Variants in CCT3 observed in about 807,000 individuals in gnomAD.
The protein encoded by CCT3 is T-complex protein 1 subunit gamma.
In CCT3, 10 loss-of-function variants were observed where a neutral mutation model predicts 65.3. That is an observed-to-expected ratio of 0.15 (90% confidence interval 0.09 to 0.26). The LOEUF (loss-of-function observed/expected upper bound fraction) is 0.26, where lower values mean the gene tolerates loss of function less well. CCT3 is among the 10% of genes least tolerant of loss of function. The probability of loss-of-function intolerance (pLI) is 1.00; values close to 1 mark genes in which losing one functional copy is unlikely to be tolerated. For missense variants in CCT3, 626 were observed against 708.7 expected (o/e 0.88, Z 1.33); for synonymous variants, 225 against 242.3 (o/e 0.93, Z 0.66).
Position 156,308,989 on chromosome 1 carries a change from A to C in CCT3, c.*210T>G. ...TTTCTCAAATGACTTAGATTTAATCATCGGAAGCAAACTAAATGGAAACCT... is the reference window on the plus strand; with the variant it reads ...TTTCTCAAATGACTTAGATTTAATCCTCGGAAGCAAACTAAATGGAAACCT... On this transcript the variant is annotated 3_prime_UTR_variant, in exon 14 of 14. Coordinates refer to ENST00000295688, the MANE Select transcript of CCT3 (RefSeq NM_005998.5). 4.3e-6 allele frequency: 2 copies of C among 466,228 alleles called. No individual in the cohort carries two copies. The highest frequency in any genetic ancestry group is 6.7e-5 in the East Asian group (2 of 29,876). The allele number at this position is 466,228 out of a possible 1,614,324, so 28.9% of individuals were successfully genotyped here.
chr1:156,325,451 C>T (rs1327162624), intron 5 of CCT3, among the ~76,000 whole-genome samples: 1 of 151,980 alleles, frequency 6.6e-6, no homozygotes, highest in East Asian at 1.9e-4. Context: ...TCACTTGAGC[C>T]CAGGAGGTTG....
At chr1:156,314,010 C>A (rs1326144463) in intron 10 of CCT3, among the ~76,000 whole-genome samples, 1 of 150,164 alleles carries the variant, frequency 6.7e-6, no homozygotes, top group Non-Finnish European at 1.5e-5. Flanking sequence ...ATCGCTTGAA[C>A]CAGGAGGCGG....
At chr1:156,315,374 A>G (rs997873022) in intron 10 of CCT3, among the ~76,000 whole-genome samples, 3 of 151,818 alleles carry the variant, frequency 2.0e-5, no homozygotes, top group Admixed American at 6.6e-5. Context: ...ACACCTAGCT[A>G]ATTTTTGTAT....
At chr1:156,321,154 GA>G in intron 6 of CCT3, 129 bp from the exon 7 acceptor site, 1 of 705,426 alleles carries the variant, frequency 1.4e-6, no homozygotes, top group South Asian at 2.1e-5. Flanking sequence ...TCCTTTGGAG[GA>G]AACTAAAAGG....
intron 7 of CCT3, among the ~76,000 whole-genome samples, chr1:156,320,344 G>C (rs1321832813): frequency 6.6e-6 from 1 of 152,148 alleles, no homozygotes; most frequent in Non-Finnish European, 1.5e-5. Context: ...GGAGGTGGAG[G>C]CTACAGTGAG....
chr1:156,316,494 A>G (rs1185995302), intron 10 of CCT3, among the ~76,000 whole-genome samples: 1 of 152,252 alleles, frequency 6.6e-6, no homozygotes, highest in Admixed American at 6.5e-5. Context: ...TGGGGTATAA[A>G]AGTATAAAAT....
At chr1:156,315,365 C>T (rs940486385) in intron 10 of CCT3, among the ~76,000 whole-genome samples, 8 of 152,210 alleles carry the variant, frequency 5.3e-5, no homozygotes, top group South Asian at 2.1e-4. Context: ...TGCACCACCA[C>T]ACCTAGCTAA....
intron 5 of CCT3, among the ~76,000 whole-genome samples, chr1:156,327,558 G>GCCGGGATTGCAGAC (rs1664878589): frequency 6.6e-6 from 1 of 152,240 alleles, no homozygotes; most frequent in Non-Finnish European, 1.5e-5. Context: ...CTCCCGAGGT[G>GCCGGGATTGCAGAC]CCGGGATTGC....
chr1:156,318,584 A>G (rs1279727055), intron 8 of CCT3, among the ~76,000 whole-genome samples: 3 of 152,134 alleles, frequency 2.0e-5, no homozygotes, highest in Admixed American at 2.0e-4. Context: ...GTGCATTAGG[A>G]AAGGCAGCAT....
rs369642756 is a variant in CCT3, at chr1:156,311,848, A to C, written c.1155+193T>G. Among the ~76,000 whole-genome samples the C allele has an allele frequency of 3.3e-5, 5 of 152,156 alleles. No individual in the cohort carries two copies. In the East Asian group the frequency reaches 9.6e-4, roughly 29 times the overall value. ...TACAATTAAAATGATTAAGATGGTAAATTTTATGCTTACTACAATTTTTAA... is the reference window on the plus strand; with the variant it reads ...TACAATTAAAATGATTAAGATGGTACATTTTATGCTTACTACAATTTTTAA... On this transcript the variant is annotated intron_variant, in intron 11 of 13. Transcript: ENST00000295688.
Position 156,312,021 on chromosome 1 carries a change from T to C in CCT3, c.1155+20A>G, listed in dbSNP as rs753126579. On this transcript the variant is annotated intron_variant, in intron 11 of 13. Coordinates refer to ENST00000295688, the MANE Select transcript of CCT3 (RefSeq NM_005998.5). ...TTCAGTGATCTACTTCATCTGGTCA[T>C]ACATCCAAGGCTGACTCACCGAGAG... The C allele has an allele frequency of 2.5e-6, 4 of 1,592,546 alleles. No individual in the cohort carries two copies. Among genetic ancestry groups the C allele is most frequent in the African/African-American group, 1.4e-5 (1 of 73,858 alleles).
chr1:156,315,887 A>G (rs958170284), intron 10 of CCT3, among the ~76,000 whole-genome samples: 1 of 152,178 alleles, frequency 6.6e-6, no homozygotes, highest in African/African-American at 2.4e-5. Context: ...AAAGAAAGAT[A>G]AAAGAAAAAA....
intron 11 of CCT3, 145 bp downstream of exon 11, chr1:156,311,896 A>T (rs1315583057): frequency 2.0e-6 from 1 of 489,430 alleles, no homozygotes; most frequent in Non-Finnish European, 3.3e-6. Flanking sequence ...TTTAATTAAA[A>T]AAAGGAAGCA....
In CCT3 at chr1:156,338,026, C is replaced by T. The variant is rs1665524714; in HGVS notation, c.31+128G>A. ...AGAGGAAAGCGGGACACTGGGCTTCCAAAATGAAGACGATGATTGGAAGGC... is the reference window on the plus strand; with the variant it reads ...AGAGGAAAGCGGGACACTGGGCTTCTAAAATGAAGACGATGATTGGAAGGC... On this transcript the variant is annotated intron_variant, in intron 1 of 13. Coordinates refer to ENST00000295688, the MANE Select transcript of CCT3 (RefSeq NM_005998.5). 2.8e-6 allele frequency: 3 copies of T among 1,067,520 alleles called. No homozygotes were observed. The South Asian group carries it at 4.1e-5, about 15-fold the overall frequency. 66.1% of individuals were successfully genotyped at this position (1,067,520 alleles called of 1,614,324 possible). A position where few individuals can be genotyped will look rare whatever the true frequency, so the allele number is the denominator to read the frequency against.
chr1:156,328,799 T>G (rs937713056), intron 5 of CCT3, among the ~76,000 whole-genome samples: 1 of 151,990 alleles, frequency 6.6e-6, no homozygotes, highest in Non-Finnish European at 1.5e-5. Flanking sequence ...CCTCCACTAT[T>G]GTCCTATGAC....
intron 4 of CCT3, among the ~76,000 whole-genome samples, chr1:156,334,355 A>AT (rs1665240729): frequency 6.6e-6 from 1 of 152,158 alleles, no homozygotes; most frequent in Admixed American, 6.6e-5. Context: ...GTCATTCTGA[A>AT]TTAGGGTGGG....
At chr1:156,327,267 G>GCCTCTCCCCTCTCCCCTCTC (rs1664858521) in intron 5 of CCT3, among the ~76,000 whole-genome samples, 1 of 151,798 alleles carries the variant, frequency 6.6e-6, no homozygotes, top group African/African-American at 2.4e-5. Context: ...ATAGCCTCTC[G>GCCTCTCCCCTCTCCCCTCTC]CCTCTCCCCT....
At chr1:156,335,140 G>A in intron 2 of CCT3, 1 of 511,746 alleles carries the variant, frequency 2.0e-6, no homozygotes, top group Non-Finnish European at 3.4e-6. Flanking sequence ...CAAAGTGTTG[G>A]GATTAGAGGC....
At chr1:156,329,263 G>C (rs1048891879) in intron 5 of CCT3, among the ~76,000 whole-genome samples, 6 of 151,276 alleles carry the variant, frequency 4.0e-5, no homozygotes, top group African/African-American at 1.5e-4. Context: ...ATAGTAATGA[G>C]ACTGCCTAAT....
Sources: allele counts gnomAD v4.1 joint callset (sites outside exome capture counted in the v4.1 genomes callset), GRCh38; gene constraint gnomAD v4.1.1; transcripts MANE v1.5; gene names NCBI Gene and HGNC (gene_info 2026-07-23, HGNC 2026-07-21).